The following EXT2 variants were observed in gnomAD, a reference collection of about 807,000 sequenced individuals.
The protein encoded by EXT2 is exostosin glycosyltransferase 2.
Under a neutral mutation model 81.6 loss-of-function variants are expected in EXT2, and 53 were observed. The observed-to-expected ratio is 0.65, with a 90% CI of 0.52 to 0.82. The LOEUF (loss-of-function observed/expected upper bound fraction) is 0.82, where lower values mean the gene tolerates loss of function less well. Among genes scored for constraint, EXT2 ranks in the 40% least tolerant of loss-of-function variants. The pLI is 0.00. For missense variants in EXT2, 774 were observed against 910.2 expected, an observed-to-expected ratio of 0.85 and a Z score of 1.93; for synonymous variants, 320 against 340.0, an observed-to-expected ratio of 0.94 and a Z score of 0.65.
chr11:44,134,795 C>T (rs1418421800), intron 7 of EXT2, among the ~76,000 whole-genome samples: 1 of 152,210 alleles, frequency 6.6e-6, no homozygotes, highest in African/African-American at 2.4e-5. Flanking sequence ...GCAGTGACCT[C>T]TAACCTCAGC....
At chr11:44,229,386 T>C (rs1439139559) in intron 10 of EXT2, among the ~76,000 whole-genome samples, 5 of 152,242 alleles carry the variant, frequency 3.3e-5, no homozygotes, top group Non-Finnish European at 7.3e-5. Context: ...TGTCTGCAGC[T>C]ATTATGACGA....
intron 7 of EXT2, among the ~76,000 whole-genome samples, chr11:44,138,141 C>T (rs1954596440): frequency 6.6e-6 from 1 of 152,136 alleles, no homozygotes; most frequent in Admixed American, 6.5e-5. Context: ...TCTGGTGGCA[C>T]AGGCACGGGA....
intron 7 of EXT2, among the ~76,000 whole-genome samples, chr11:44,145,195 T>C (rs1001440624): frequency 1.3e-5 from 2 of 152,110 alleles, no homozygotes; most frequent in African/African-American, 4.8e-5. Flanking sequence ...GAGCTGTCGA[T>C]ATTAGATGAC....
chr11:44,200,608 G>A (rs966423564), intron 9 of EXT2, among the ~76,000 whole-genome samples: 1 of 152,174 alleles, frequency 6.6e-6, no homozygotes, highest in African/African-American at 2.4e-5. Context: ...AACCCAGGAT[G>A]GTCAACAGGG....
intron 13 of EXT2, among the ~76,000 whole-genome samples, chr11:44,238,774 C>T (rs1486593070): frequency 1.3e-5 from 2 of 152,200 alleles, no homozygotes; most frequent in Non-Finnish European, 2.9e-5. Context: ...CAGAGACTCT[C>T]AGCAGTGGAA....
intron 7 of EXT2, among the ~76,000 whole-genome samples, chr11:44,151,172 T>A (rs1954786867): frequency 6.6e-6 from 1 of 151,884 alleles, no homozygotes; most frequent in Admixed American, 6.6e-5. Context: ...TTGTCCAACA[T>A]ACCCCACTAT....
intron 7 of EXT2, among the ~76,000 whole-genome samples, chr11:44,162,794 A>G (rs4755230): frequency 0.24 from 36,957 of 152,010 alleles, 4,665 homozygotes; most frequent in Non-Finnish European, 0.28. Flanking sequence ...GGGAAAATGT[A>G]CTGGATTAAT....
chr11:44,139,688 C>T (rs1489733232), intron 7 of EXT2, among the ~76,000 whole-genome samples: 1 of 152,142 alleles, frequency 6.6e-6, no homozygotes, highest in Non-Finnish European at 1.5e-5. Context: ...TGATTTGGGC[C>T]AGGGGCTAAA....
At chr11:44,146,610 C>T (rs1418548592) in intron 7 of EXT2, among the ~76,000 whole-genome samples, 2 of 152,142 alleles carry the variant, frequency 1.3e-5, no homozygotes, top group East Asian at 1.9e-4. Flanking sequence ...ATTTGTGAGG[C>T]GACTCTGCCC....
chr11:44,184,093 A>G (rs546590339), intron 8 of EXT2, among the ~76,000 whole-genome samples: 6 of 152,334 alleles, frequency 3.9e-5, no homozygotes, highest in Admixed American at 1.3e-4. Flanking sequence ...CTTCTTCAAC[A>G]TTAATGTCTC....
intron 13 of EXT2, among the ~76,000 whole-genome samples, chr11:44,237,902 T>TAAAA (rs374084527): frequency 1.2e-4 from 7 of 56,360 alleles, no homozygotes; most frequent in African/African-American, 3.6e-4. Context: ...CGTCTCTACT[T>TAAAA]AAAAAAAAAA....
intron 4 of EXT2, among the ~76,000 whole-genome samples, chr11:44,124,285 C>G (rs923042211): frequency 6.6e-6 from 1 of 152,152 alleles, no homozygotes; most frequent in Non-Finnish European, 1.5e-5. Context: ...AGGAGCAGCC[C>G]TTTCCAGAGC....
chr11:44,110,677 G>A (rs1260928957), intron 3 of EXT2, among the ~76,000 whole-genome samples: 1 of 152,192 alleles, frequency 6.6e-6, no homozygotes, highest in Non-Finnish European at 1.5e-5. Context: ...ATATGCATCT[G>A]CATGGGAGTT....
chr11:44,214,846 G>A (rs1359330863), intron 10 of EXT2, among the ~76,000 whole-genome samples: 1 of 151,640 alleles, frequency 6.6e-6, no homozygotes, highest in Non-Finnish European at 1.5e-5. Context: ...CAAATTCCTG[G>A]GCTCAAGTGA....
rs201302904 is a variant in EXT2 at position 44,197,806 on chromosome 11, C to T, written c.1306-23C>T. 9.3e-4 allele frequency: 1,503 copies of T among 1,613,044 alleles called. 2 individuals are homozygous for T. Among genetic ancestry groups the T allele is most frequent in the Non-Finnish European group, 1.1e-3 (1,311 of 1,179,436 alleles). ...TATTGTTACAGCTGCTTTTCTGACCCGTGTTAATCTGTCCTCTTGTAGAAG... is the reference window on the plus strand; with the variant it reads ...TATTGTTACAGCTGCTTTTCTGACCTGTGTTAATCTGTCCTCTTGTAGAAG... On this transcript the variant is annotated intron_variant, in intron 8 of 13. Coordinates refer to ENST00000533608, the MANE Select transcript of EXT2 (RefSeq NM_207122.2).
intron 10 of EXT2, among the ~76,000 whole-genome samples, chr11:44,227,581 G>A (rs1955851605): frequency 6.6e-6 from 1 of 152,192 alleles, no homozygotes; most frequent in South Asian, 2.1e-4. Flanking sequence ...TATAGGATGT[G>A]AGACTCAATC....
chr11:44,106,886 C>T (rs566445375), intron 1 of EXT2, among the ~76,000 whole-genome samples: 2 of 152,308 alleles, frequency 1.3e-5, no homozygotes, highest in South Asian at 4.2e-4. Flanking sequence ...ATCTTGGCCT[C>T]CCAAGGTGCT....
chr11:44,238,555 A>G (rs944445625), intron 13 of EXT2, among the ~76,000 whole-genome samples: 5 of 152,224 alleles, frequency 3.3e-5, no homozygotes, highest in African/African-American at 1.2e-4. Context: ...AACAGTGTCA[A>G]GGACCTTAAC....
chr11:44,168,687 A>G (rs1955028797), intron 7 of EXT2, among the ~76,000 whole-genome samples: 1 of 152,246 alleles, frequency 6.6e-6, no homozygotes, highest in Admixed American at 6.5e-5. Flanking sequence ...CAGTAGAAGT[A>G]TATCTTGAAT....
Sources: gnomAD v4.1 joint callset for allele counts (sites outside exome capture counted in the v4.1 genomes callset) on GRCh38, gnomAD v4.1.1 for gene constraint, MANE v1.5 for transcripts, NCBI Gene and HGNC (gene_info 2026-07-23, HGNC 2026-07-21) for gene names.